VRK2: variants seen among roughly 807,000 people sequenced by gnomAD.
VRK2 encodes VRK serine/threonine kinase 2.
A neutral mutation model predicts 57.6 loss-of-function variants in VRK2; 60 were observed. That is an observed-to-expected ratio of 1.04 (90% CI 0.85 to 1.29). The LOEUF (loss-of-function observed/expected upper bound fraction) is 1.29. VRK2 is among the 50% of genes most tolerant of loss of function. The probability of loss-of-function intolerance (pLI) is 0.00; values close to 1 mark genes in which losing one functional copy is unlikely to be tolerated. For synonymous variants in VRK2, 231 were observed against 199.2 expected, an observed-to-expected ratio of 1.16 and a Z score of -1.35; for missense variants, 705 against 588.1, an observed-to-expected ratio of 1.20 and a Z score of -2.06.
intron 1 of VRK2, among the ~76,000 whole-genome samples, chr2:57,996,017 A>G (rs569393975): frequency 6.6e-6 from 1 of 152,238 alleles, no homozygotes; most frequent in African/African-American, 2.4e-5. Context: ...AATAATACAA[A>G]TAAAAACAAT....
intron 7 of VRK2, among the ~76,000 whole-genome samples, chr2:58,117,692 A>C (rs1177217760): frequency 6.6e-6 from 1 of 152,142 alleles, no homozygotes; most frequent in Non-Finnish European, 1.5e-5. Context: ...GGATGGAAAA[A>C]TTGAAAGTGC....
chr2:57,914,057 A>G (rs913927161), intron 1 of VRK2, among the ~76,000 whole-genome samples: 1 of 152,038 alleles, frequency 6.6e-6, no homozygotes, highest in Non-Finnish European at 1.5e-5. Context: ...TCAAACAAAA[A>G]ATTTATTTTA....
In VRK2 at chr2:58,123,155, A is replaced by C. The variant is rs1313490183; in HGVS notation, c.598A>C (p.Lys200Gln). The part of the protein sequence containing the change: ...SYRYCPNGNH[K>Q]QYQENPRKGH... ...CAGATATTGTCCCAATGGGAACCAC[A>C]AACAGTATCAGGAAAATCCTAGAAA... is the stretch of plus-strand genomic sequence containing the variant. Residue 200 changes from lysine to glutamine, a missense_variant, in exon 8 of 13, where the codon AAA becomes CAA. Lys to Gln is a moderately conservative substitution (Grantham distance 53). Coordinates refer to ENST00000340157, the MANE Select transcript of VRK2 (RefSeq NM_006296.7). 6.3e-7 allele frequency: 1 copy of C among 1,596,736 alleles called. No homozygotes were observed. Among genetic ancestry groups the C allele is most frequent in the Admixed American group, 1.8e-5 (1 of 55,060 alleles).
intron 7 of VRK2, among the ~76,000 whole-genome samples, chr2:58,116,661 G>A (rs1386627060): frequency 3.9e-5 from 6 of 152,176 alleles, no homozygotes; most frequent in South Asian, 2.1e-4. Flanking sequence ...TGGGGCTTCC[G>A]AGGCAATCAG....
At chr2:57,920,814 C>G (rs773865263) in intron 1 of VRK2, among the ~76,000 whole-genome samples, 1 of 152,094 alleles carries the variant, frequency 6.6e-6, no homozygotes, top group Non-Finnish European at 1.5e-5. Context: ...AAAGGAAAAT[C>G]TGACTCCGGC....
Position 58,036,782 on chromosome 2 carries a change from A to G in VRK2, c.-6+3229A>G, listed in dbSNP as rs1215593686. ...AGTCTCCAGTGATTTTCTATTGTCT[A>G]TAGTAGTGATGTCCAACATAACTCT... On this transcript the variant is annotated intron_variant, in intron 3 of 15. Coordinates refer to the VRK2 transcript ENST00000417641. 3.3e-5 allele frequency among the ~76,000 whole-genome samples: 5 copies of G among 151,980 alleles called. No homozygotes were observed. The East Asian group carries it at 5.8e-4, about 18-fold the overall frequency.
intron 3 of VRK2, among the ~76,000 whole-genome samples, chr2:58,035,216 ATAGAAT>A (rs1030158838): frequency 3.3e-5 from 5 of 151,924 alleles, no homozygotes; most frequent in African/African-American, 4.8e-5. Flanking sequence ...TGTTGCTACC[ATAGAAT>A]TATTTTCCTC....
At chr2:58,038,031 C>T (rs776542506) in intron 3 of VRK2, among the ~76,000 whole-genome samples, 1 of 152,196 alleles carries the variant, frequency 6.6e-6, no homozygotes, top group African/African-American at 2.4e-5. Flanking sequence ...TATGACACCC[C>T]AAAATATGCC....
At chr2:58,013,027 CA>C (rs1313417015) in intron 1 of VRK2, among the ~76,000 whole-genome samples, 8 of 151,906 alleles carry the variant, frequency 5.3e-5, no homozygotes, top group Admixed American at 5.2e-4. Context: ...AATTACCTTT[CA>C]AAAAAGAGCA....
chr2:58,045,801 G>A (rs1305003121), upstream of VRK2, among the ~76,000 whole-genome samples: 1 of 152,092 alleles, frequency 6.6e-6, no homozygotes, highest in African/African-American at 2.4e-5. Flanking sequence ...CTTTGTCTAA[G>A]CATTTGTTTG....
intron 2 of VRK2, among the ~76,000 whole-genome samples, chr2:58,083,844 T>A (rs1219715716): frequency 6.6e-6 from 1 of 151,862 alleles, no homozygotes; most frequent in African/African-American, 2.4e-5. Context: ...GGCTGTGATG[T>A]CAGGCAGATT....
intron 5 of VRK2, among the ~76,000 whole-genome samples, chr2:58,087,695 T>C (rs1007937227): frequency 2.6e-5 from 4 of 151,988 alleles, no homozygotes; most frequent in African/African-American, 9.7e-5. Context: ...CAAACAAATA[T>C]AAAATTCATG....
intron 7 of VRK2, among the ~76,000 whole-genome samples, chr2:58,096,614 TC>T (rs1673174636): frequency 6.6e-6 from 1 of 151,946 alleles, no homozygotes; most frequent in African/African-American, 2.4e-5. Context: ...CCTTTTTCTA[TC>T]CTTATGAAGG....
chr2:58,029,520 T>C (rs1378953732), intron 2 of VRK2, among the ~76,000 whole-genome samples: 2 of 152,184 alleles, frequency 1.3e-5, no homozygotes, highest in East Asian at 3.9e-4. Context: ...TACTCCTATA[T>C]TGACCAAACT....
intron 1 of VRK2, among the ~76,000 whole-genome samples, chr2:58,017,221 T>G (rs1572785070): frequency 6.6e-6 from 1 of 152,248 alleles, no homozygotes; most frequent in East Asian, 1.9e-4. Flanking sequence ...CTGACGTGAC[T>G]AATCTCCTTG....
chr2:58,047,390 G>A (rs1464289315), intron 1 of VRK2: 1 of 984,832 alleles, frequency 1.0e-6, no homozygotes, highest in Non-Finnish European at 1.2e-6. Flanking sequence ...CCCAGAAGCC[G>A]AAGGGACACC....
chr2:58,119,519 A>G (rs1677099815), intron 7 of VRK2, among the ~76,000 whole-genome samples: 1 of 149,726 alleles, frequency 6.7e-6, no homozygotes, highest in Non-Finnish European at 1.5e-5. Context: ...AAAGTGCTGT[A>G]ATTTGGAATA....
chr2:58,121,454 C>CT (rs1279875929), intron 7 of VRK2, among the ~76,000 whole-genome samples: 3 of 152,134 alleles, frequency 2.0e-5, no homozygotes, highest in Admixed American at 2.0e-4. Flanking sequence ...ATATCTGATC[C>CT]TGATATGTCT....
intron 2 of VRK2, among the ~76,000 whole-genome samples, chr2:58,067,919 T>C (rs1375676050): frequency 6.6e-6 from 1 of 151,706 alleles, no homozygotes; most frequent in East Asian, 1.9e-4. Context: ...TTCTTTTCTT[T>C]CTTTTTTGTT....
Sources: allele counts gnomAD v4.1 joint callset (sites outside exome capture counted in the v4.1 genomes callset), GRCh38; gene constraint gnomAD v4.1.1; transcripts MANE v1.5; gene names NCBI Gene and HGNC (gene_info 2026-07-23, HGNC 2026-07-21).